Variants in CPB1 observed in about 807,000 individuals in gnomAD.
The protein encoded by CPB1 is carboxypeptidase B.
Under a neutral mutation model 51.4 loss-of-function variants are expected in CPB1, and 53 were observed. That is an observed-to-expected ratio of 1.03 (90% CI 0.83 to 1.30). CPB1 has a LOEUF of 1.30. Among genes scored for constraint, CPB1 ranks in the 50% most tolerant of loss-of-function variants. CPB1 has a pLI of 0.00. For synonymous variants in CPB1, 189 were observed against 186.9 expected, an observed-to-expected ratio of 1.01 and a Z score of -0.09; for missense variants, 494 against 516.2, an observed-to-expected ratio of 0.96 and a Z score of 0.42.
intron 9 of CPB1, among the ~76,000 whole-genome samples, chr3:148,849,497 A>G (rs1713360601): frequency 2.0e-5 from 3 of 152,230 alleles, no homozygotes. Context: ...ACCTAGCCAT[A>G]TGGCTGCACT....
Position 148,830,495 on chromosome 3 carries a change from T to C in CPB1, c.147+2418T>C, listed in dbSNP as rs138753296. ...TTACATAGGAGATTGTTGTGAGAGGTAAATGAATTAATATAGGTAAAGCAA... is the reference window on the plus strand; with the variant it reads ...TTACATAGGAGATTGTTGTGAGAGGCAAATGAATTAATATAGGTAAAGCAA... On this transcript the variant is annotated intron_variant, in intron 2 of 10. Coordinates refer to ENST00000282957, the MANE Select transcript of CPB1 (RefSeq NM_001871.3). Among the ~76,000 whole-genome samples, 9 of 152,230 alleles carry C rather than the reference T, an allele frequency of 5.9e-5. No individual in the cohort carries two copies. In the East Asian group the frequency reaches 1.2e-3, roughly 20 times the overall value.
intron 3 of CPB1, among the ~76,000 whole-genome samples, chr3:148,839,447 C>T (rs1287357922): frequency 6.6e-6 from 1 of 152,300 alleles, no homozygotes; most frequent in East Asian, 1.9e-4. Context: ...AATACACTCA[C>T]AAAGCATTGG....
At chr3:148,835,031 T>C (rs1457093744) in intron 3 of CPB1, among the ~76,000 whole-genome samples, 3 of 152,180 alleles carry the variant, frequency 2.0e-5, no homozygotes, top group Non-Finnish European at 4.4e-5. Context: ...GTGCTTTTTT[T>C]AGCAGAAGGA....
Position 148,844,562 on chromosome 3 carries a change from G to T in CPB1, c.661G>T (p.Asp221Tyr). The T allele has an allele frequency of 3.1e-6, 5 of 1,613,706 alleles. No individual in the cohort carries two copies. Among genetic ancestry groups the T allele is most frequent in the Non-Finnish European group, 4.2e-6 (5 of 1,179,760 alleles). ...TTATGTCCTGCCTGTGCTCAATATT[G>T]ATGGCTACATCTACACCTGGACCAA... ...DFYVLPVLNI[D>Y]GYIYTWTKSR... The change falls in exon 7 of 11, where the codon GAT becomes TAT. Residue 221 changes from aspartate to tyrosine, a missense_variant. Transcript: ENST00000282957.
chr3:148,832,522 G>A (rs907410265), intron 2 of CPB1, among the ~76,000 whole-genome samples: 1 of 152,158 alleles, frequency 6.6e-6, no homozygotes, highest in Admixed American at 6.5e-5. Flanking sequence ...AGTGGGGAGT[G>A]CTAAATAGAA....
In CPB1 at chr3:148,837,426, A is replaced by G. The variant is rs977075686; in HGVS notation, c.272+2804A>G. ...TCATGTCTTTCTTTACTTCTCAGAC[A>G]TTGTGTTCCTTACTTTTTTGGGAGT... is the stretch of plus-strand genomic sequence containing the variant. On this transcript the variant is annotated intron_variant, in intron 3 of 10. Transcript: ENST00000282957. Among the ~76,000 whole-genome samples, 15 of 148,186 alleles carry G rather than the reference A, an allele frequency of 1.0e-4. No homozygotes were observed. In the Admixed American group the frequency reaches 1.0e-3, roughly 10 times the overall value.
intron 9 of CPB1, chr3:148,856,297 C>G (rs1252483088): frequency 1.3e-5 from 2 of 152,154 alleles, no homozygotes; most frequent in Non-Finnish European, 2.9e-5. Flanking sequence ...TTTAAGTTTT[C>G]TAATTTACCA....
At chr3:148,853,892 C>T (rs931966055) in intron 9 of CPB1, among the ~76,000 whole-genome samples, 3 of 148,868 alleles carry the variant, frequency 2.0e-5, no homozygotes, top group African/African-American at 7.8e-5. Flanking sequence ...TAGCTCTTAT[C>T]AAGAGCTCTT....
chr3:148,845,293 T>C (rs886392243), intron 8 of CPB1, 131 bp from the exon 9 acceptor site: 3 of 664,970 alleles, frequency 4.5e-6, no homozygotes, highest in Non-Finnish European at 7.8e-6. Context: ...AATATATACA[T>C]AATAGGGACA....
intron 3 of CPB1, among the ~76,000 whole-genome samples, chr3:148,836,444 A>G (rs1404329288): frequency 6.6e-6 from 1 of 152,236 alleles, no homozygotes; most frequent in Non-Finnish European, 1.5e-5. Context: ...ATTCTTTAAG[A>G]AAAACAAAGA....
At chr3:148,849,478 G>A (rs945672137) in intron 9 of CPB1, among the ~76,000 whole-genome samples, 31 of 152,304 alleles carry the variant, frequency 2.0e-4, no homozygotes, top group African/African-American at 7.0e-4. Context: ...TGGGAGAAAA[G>A]GCTCTCAAAC....
chr3:148,840,651 A>C, intron 3 of CPB1, 35 bp from the exon 4 acceptor site: 1 of 1,581,388 alleles, frequency 6.3e-7, no homozygotes. Context: ...AAATACACTT[A>C]TGTTCATAGG....
chr3:148,850,504 G>A (rs535906544), intron 9 of CPB1, among the ~76,000 whole-genome samples: 26 of 152,034 alleles, frequency 1.7e-4, no homozygotes, highest in South Asian at 1.7e-3. Flanking sequence ...GGGTTTCACC[G>A]TGTTAGCCAG....
In CPB1 at chr3:148,860,121, G is replaced by A. The variant is rs1713708312; in HGVS notation, c.*119G>A. ...TCCCAATCTTTCTTTTAAGCTTCTG[G>A]GTCTATTAAACTAGGTAGATCTTTT... On this transcript the variant is annotated 3_prime_UTR_variant, in exon 11 of 11. Transcript: ENST00000282957. 6.3e-6 allele frequency: 6 copies of A among 952,304 alleles called. No individual in the cohort carries two copies. Among genetic ancestry groups the A allele is most frequent in the South Asian group, 1.7e-5 (1 of 58,068 alleles). The allele number at this position is 952,304 out of a possible 1,614,324, so 59.0% of individuals were successfully genotyped here.
At chr3:148,841,751 T>G in intron 5 of CPB1, 72 bp from the exon 6 acceptor site, 2 of 1,172,510 alleles carry the variant, frequency 1.7e-6, no homozygotes, top group Non-Finnish European at 2.5e-6. Context: ...CAAGCCCAGA[T>G]GGGTAGTGGA....
At chr3:148,852,454 C>T (rs914315658) in intron 9 of CPB1, among the ~76,000 whole-genome samples, 10 of 152,144 alleles carry the variant, frequency 6.6e-5, no homozygotes, top group African/African-American at 2.4e-4. Flanking sequence ...CAGCCCAAAA[C>T]GTCAAGAGTG....
intron 2 of CPB1, among the ~76,000 whole-genome samples, chr3:148,829,656 C>T (rs1712674559): frequency 6.6e-6 from 1 of 152,158 alleles, no homozygotes; most frequent in Non-Finnish European, 1.5e-5. Flanking sequence ...AACTCTTCCC[C>T]TAACTTTGTC....
chr3:148,855,397 G>C (rs1713544807), intron 9 of CPB1: 1 of 152,128 alleles, frequency 6.6e-6, no homozygotes, highest in South Asian at 2.1e-4. Context: ...ACGGTGTAGA[G>C]AGAACTTGGA....
intron 9 of CPB1, among the ~76,000 whole-genome samples, chr3:148,845,887 C>T (rs1713222830): frequency 2.6e-5 from 4 of 152,140 alleles, no homozygotes; most frequent in Admixed American, 2.0e-4. Context: ...CCTCTGGCTT[C>T]ACCACAATGC....
Sources: allele counts gnomAD v4.1 joint callset (sites outside exome capture counted in the v4.1 genomes callset), GRCh38; gene constraint gnomAD v4.1.1; transcripts MANE v1.5; gene names NCBI Gene and HGNC (gene_info 2026-07-23, HGNC 2026-07-21).